DTL: variants seen among roughly 807,000 people sequenced by gnomAD.
The protein encoded by DTL is denticleless protein homolog.
DTL carries 46 observed loss-of-function variants against 87.0 expected under a neutral mutation model. That is an observed-to-expected ratio of 0.53 (90% CI 0.42 to 0.68). The LOEUF (loss-of-function observed/expected upper bound fraction) is 0.68. Among genes scored for constraint, DTL ranks in the 30% least tolerant of loss-of-function variants. DTL has a pLI of 0.00. For missense variants in DTL, 737 were observed against 869.4 expected, an observed-to-expected ratio of 0.85 and a Z score of 1.91; for synonymous variants, 308 against 311.2, an observed-to-expected ratio of 0.99 and a Z score of 0.11.
In DTL at chr1:212,066,892, GTC is replaced by G. The variant is rs770670905; in HGVS notation, c.713+9_713+10del. The G allele has an allele frequency of 2.5e-6, 4 of 1,610,984 alleles. No individual in the cohort carries two copies. The African/African-American group carries it at 5.3e-5, about 22-fold the overall frequency. Reference sequence around the variant, plus strand: ...CAGCAGGAGCTGTGGATGGGTAAGAGTCTATTTCTTTTTTCTTCCGACGAGAT... The same window carrying G: ...CAGCAGGAGCTGTGGATGGGTAAGAGTATTTCTTTTTTCTTCCGACGAGAT... On this transcript the variant is annotated splice_region_variant and intron_variant, in intron 8 of 14. Coordinates refer to ENST00000366991, the MANE Select transcript of DTL (RefSeq NM_016448.4).
At chr1:212,074,914 G>A (rs1357109088) in intron 11 of DTL, among the ~76,000 whole-genome samples, 1 of 152,058 alleles carries the variant, frequency 6.6e-6, no homozygotes, top group Non-Finnish European at 1.5e-5. Flanking sequence ...TGATATTGAG[G>A]CCCAAGACTT....
intron 2 of DTL, 40 bp downstream of exon 2, chr1:212,043,158 G>T (rs1340255066): frequency 1.3e-6 from 2 of 1,584,438 alleles, no homozygotes; most frequent in Admixed American, 1.8e-5. Context: ...GGACAGAAAT[G>T]ATCTATTTCA....
intron 13 of DTL, among the ~76,000 whole-genome samples, chr1:212,082,050 T>G (rs1430702863): frequency 6.6e-6 from 1 of 151,106 alleles, no homozygotes; most frequent in African/African-American, 2.4e-5. Flanking sequence ...GTTGAGGAGG[T>G]GACAAATACC....
At chr1:212,058,787 A>G (rs546651890) in intron 5 of DTL, among the ~76,000 whole-genome samples, 1 of 152,202 alleles carries the variant, frequency 6.6e-6, no homozygotes, top group Admixed American at 6.5e-5. Context: ...TCAATAAGGT[A>G]CTTGCTAGAC....
At chr1:212,050,818 C>T (rs1667949374) in intron 5 of DTL, among the ~76,000 whole-genome samples, 1 of 152,094 alleles carries the variant, frequency 6.6e-6, no homozygotes, top group Non-Finnish European at 1.5e-5. Context: ...TTGGTTTAAT[C>T]TATTTTCCAC....
In DTL at chr1:212,043,113, C is replaced by T. The variant is rs1255563907; in HGVS notation, c.173C>T (p.Ser58Phe). The T allele has an allele frequency of 6.2e-7, 1 of 1,611,156 alleles. No homozygotes were observed. The highest frequency in any genetic ancestry group is 8.5e-7 in the Non-Finnish European group (1 of 1,178,930). Residue 58 changes from serine to phenylalanine, a missense_variant, in exon 2 of 15, where the codon TCT (serine) becomes TTT (phenylalanine). Transcript: ENST00000366991. ...GTTCCTCCTTTTGGATGTACCTTCT[C>T]TTCTGGTAAGAGAATTACTATCTAG... ...VPVPPFGCTF[S>F]SAPNMEHVLA...
intron 13 of DTL, among the ~76,000 whole-genome samples, chr1:212,095,536 A>G (rs929341698): frequency 6.6e-6 from 1 of 151,950 alleles, no homozygotes; most frequent in African/African-American, 2.4e-5. Context: ...GGGTTTCACC[A>G]TGTTGGCCAG....
chr1:212,052,340 G>C (rs973616746), intron 5 of DTL, among the ~76,000 whole-genome samples: 1 of 151,870 alleles, frequency 6.6e-6, no homozygotes, highest in Non-Finnish European at 1.5e-5. Flanking sequence ...ATCATTTCTT[G>C]AAATACTTTT....
At chr1:212,055,007 C>A (rs1346386803) in intron 5 of DTL, among the ~76,000 whole-genome samples, 1 of 152,108 alleles carries the variant, frequency 6.6e-6, no homozygotes, top group African/African-American at 2.4e-5. Flanking sequence ...TTCAACATGG[C>A]TGACTAGATG....
At chr1:212,101,596 A>C (rs1655627800) in intron 14 of DTL, among the ~76,000 whole-genome samples, 1 of 152,254 alleles carries the variant, frequency 6.6e-6, no homozygotes, top group South Asian at 2.1e-4. Flanking sequence ...AGATACTTAC[A>C]AAACAATTTG....
At chr1:212,092,915 C>T (rs1326810402) in intron 13 of DTL, among the ~76,000 whole-genome samples, 1 of 152,112 alleles carries the variant, frequency 6.6e-6, no homozygotes, top group Non-Finnish European at 1.5e-5. Context: ...TCCACCACAT[C>T]CACCCCAATG....
chr1:212,075,204 T>C (rs1007412441), intron 11 of DTL, among the ~76,000 whole-genome samples: 1 of 152,210 alleles, frequency 6.6e-6, no homozygotes. Flanking sequence ...TGATATTCTT[T>C]GTATGTTTCA....
chr1:212,074,211 A>G (rs1339251284), intron 11 of DTL, among the ~76,000 whole-genome samples: 2 of 151,346 alleles, frequency 1.3e-5, no homozygotes, highest in Non-Finnish European at 2.9e-5. Flanking sequence ...TAGTTTTTAA[A>G]TTCTTAATAA....
At chr1:212,075,922 A>G (rs1231421677) in intron 11 of DTL, among the ~76,000 whole-genome samples, 3 of 152,144 alleles carry the variant, frequency 2.0e-5, no homozygotes, top group African/African-American at 7.2e-5. Flanking sequence ...TTCAGTCTCT[A>G]TGGATTTGCT....
In DTL at chr1:212,066,841, C is replaced by G; in HGVS notation, c.669C>G (p.Leu223=). 3 of 1,614,016 alleles carry G rather than the reference C, an allele frequency of 1.9e-6. No individual in the cohort carries two copies. The highest frequency in any genetic ancestry group is 2.2e-5 in the East Asian group (1 of 44,864). Residue 223 remains leucine (L), a synonymous_variant, in exon 8 of 15, where the codon CTC becomes CTG. Coordinates refer to ENST00000366991, the MANE Select transcript of DTL (RefSeq NM_016448.4). ...VDFQQSVTVV[L]FQDENTLVSA... is the part of the protein sequence containing the mutation. ...TCCAGCAAAGTGTTACTGTGGTCCT[C>G]TTTCAAGACGAGAATACCTTAGTCT...
chr1:212,068,587 T>A lies in DTL; in HGVS notation c.818-12T>A, dbSNP rs373514199. ...TCATCAGGACGTGCTAACTTAAGTTTCCTTTTTCCAGGATATTCAAGTCTG... is the reference window on the plus strand; with the variant it reads ...TCATCAGGACGTGCTAACTTAAGTTACCTTTTTCCAGGATATTCAAGTCTG... On this transcript the variant is annotated splice_polypyrimidine_tract_variant and intron_variant, in intron 9 of 14. Coordinates refer to ENST00000366991, the MANE Select transcript of DTL (RefSeq NM_016448.4). 3.8e-6 allele frequency: 6 copies of A among 1,578,446 alleles called. No homozygotes were observed. Among genetic ancestry groups the A allele is most frequent in the Non-Finnish European group, 5.2e-6 (6 of 1,148,654 alleles).
At chr1:212,052,002 G>A (rs61828543) in intron 5 of DTL, 298,065 of 825,568 alleles carry the variant, frequency 0.36, 58,079 homozygotes, top group Middle Eastern at 0.42. Context: ...CTTTGTGTTT[G>A]TCATTTTGGC....
Position 212,100,557 on chromosome 1 carries a change from A to G in DTL, c.1567A>G (p.Lys523Glu). The change falls in exon 14 of 15, where the codon AAG becomes GAG. Residue 523 changes from lysine (K) to glutamate (E), a missense_variant. By Grantham distance (56) the Lys-to-Glu change is moderately conservative. Transcript: ENST00000366991. ...CATCACTCCACCTGCTTCGGAGACC[A>G]AGATCATGTCTCCGAGAAAAGCCCT... ...PPITPPASET[K>E]IMSPRKALIP... The G allele has an allele frequency of 6.2e-7, 1 of 1,614,068 alleles. No homozygotes were observed. The highest frequency in any genetic ancestry group is 8.5e-7 in the Non-Finnish European group (1 of 1,180,010).
At chr1:212,041,080 A>G (rs1467787783) in intron 1 of DTL, among the ~76,000 whole-genome samples, 3 of 152,228 alleles carry the variant, frequency 2.0e-5, no homozygotes, top group African/African-American at 7.2e-5. Flanking sequence ...TGAGGAAATA[A>G]TAGCTTTTTC....
Sources: gnomAD v4.1 joint callset for allele counts (sites outside exome capture counted in the v4.1 genomes callset) on GRCh38, gnomAD v4.1.1 for gene constraint, MANE v1.5 for transcripts, NCBI Gene and HGNC (gene_info 2026-07-23, HGNC 2026-07-21) for gene names.